SYNE1: variants seen among roughly 807,000 people sequenced by gnomAD.
The protein encoded by SYNE1 is nesprin-1.
Under a neutral mutation model 1,111.0 loss-of-function variants are expected in SYNE1, and 616 were observed. The observed-to-expected ratio is 0.55, with a 90% CI of 0.52 to 0.59. The LOEUF is 0.59. Ranked by LOEUF, SYNE1 falls within the 20% of genes least tolerant of loss-of-function variation. The pLI is 0.00. For synonymous variants in SYNE1, 3,855 were observed against 3,825.8 expected (o/e 1.01, Z -0.28); for missense variants, 10,006 against 10,417.0 (o/e 0.96, Z 1.72).
At chr6:152,348,151 T>C (rs1217074752) in intron 72 of SYNE1, among the ~76,000 whole-genome samples, 1 of 152,236 alleles carries the variant, frequency 6.6e-6, no homozygotes, top group Non-Finnish European at 1.5e-5. Context: ...AAACTTATCA[T>C]TTATTAAGTA....
intron 33 of SYNE1, chr6:152,435,640 CT>C (rs2098467194): frequency 1.9e-5 from 8 of 417,632 alleles, no homozygotes; most frequent in Non-Finnish European, 3.4e-5. Context: ...AATATTAGTT[CT>C]TTTTCAAGAT....
chr6:152,626,585 T>C (rs1022607146), intron 3 of SYNE1, among the ~76,000 whole-genome samples: 1 of 152,130 alleles, frequency 6.6e-6, no homozygotes, highest in African/African-American at 2.4e-5. Flanking sequence ...TTTCAGCCCA[T>C]GGAAAAGGTC....
intron 97 of SYNE1, among the ~76,000 whole-genome samples, chr6:152,280,441 AT>A (rs918979973): frequency 4.6e-5 from 7 of 151,126 alleles, no homozygotes; most frequent in East Asian, 1.9e-4. Flanking sequence ...TTTTTTTGTA[AT>A]TTTTTTTTAA....
intron 3 of SYNE1, among the ~76,000 whole-genome samples, chr6:152,625,417 C>T (rs1262351696): frequency 6.6e-6 from 1 of 152,254 alleles, no homozygotes; most frequent in Non-Finnish European, 1.5e-5. Context: ...AGATCACTTT[C>T]ACTTCCTGCC....
chr6:152,173,750 C>T (rs2065757633), intron 130 of SYNE1, among the ~76,000 whole-genome samples: 2 of 152,074 alleles, frequency 1.3e-5, no homozygotes, highest in African/African-American at 4.8e-5. Context: ...AACATATATA[C>T]AAAAATCTCC....
Position 152,501,423 on chromosome 6 carries a change from C to T in SYNE1, c.888+1210G>A, listed in dbSNP as rs181974751. Among the ~76,000 whole-genome samples the T allele has an allele frequency of 1.3e-3, 193 of 152,172 alleles. 7 individuals carry two copies. The East Asian group carries it at 0.03, about 24-fold the overall frequency. ...ATTAAAATTTTGTATGCCCTTTAGC[C>T]TAGGAATTCCACTTCTAAAGAAGAA... On this transcript the variant is annotated intron_variant, in intron 10 of 145. Coordinates refer to ENST00000367255, the MANE Select transcript of SYNE1 (RefSeq NM_182961.4).
intron 131 of SYNE1, among the ~76,000 whole-genome samples, chr6:152,158,924 C>A (rs1174208544): frequency 2.6e-5 from 4 of 152,114 alleles, no homozygotes; most frequent in African/African-American, 9.7e-5. Flanking sequence ...ACATAAGTGC[C>A]CTAAGACAAA....
chr6:152,520,458 C>A lies in SYNE1; in HGVS notation c.309+1G>T, dbSNP rs1398734304. On this transcript the variant is annotated splice_donor_variant, in intron 6 of 145. Transcript: ENST00000367255. LOFTEE classifies it high-confidence loss of function. ...GCATTTTGTTTTTGTTTCTCTCTTA[C>A]CTTTCTTCCTTCGAGGAACTTGAGT... The A allele has an allele frequency of 6.2e-7, 1 of 1,613,286 alleles. No individual in the cohort carries two copies. The highest frequency in any genetic ancestry group is 8.5e-7 in the Non-Finnish European group (1 of 1,179,596).
chr6:152,359,053 AG>A (rs2096887312), intron 65 of SYNE1, among the ~76,000 whole-genome samples: 1 of 152,220 alleles, frequency 6.6e-6, no homozygotes, highest in Admixed American at 6.5e-5. Context: ...CTTCAATTGA[AG>A]GTGTCCAGAA....
intron 77 of SYNE1, 148 bp downstream of exon 77, chr6:152,333,860 T>C: frequency 9.4e-7 from 1 of 1,064,212 alleles, no homozygotes; most frequent in East Asian, 2.4e-5. Flanking sequence ...CTCGAACTCC[T>C]GACCTCAACT....
chr6:152,325,215 C>A lies in SYNE1; in HGVS notation c.15526G>T (p.Ala5176Ser). The A allele has an allele frequency of 6.2e-7, 1 of 1,614,170 alleles. No individual in the cohort carries two copies. Among genetic ancestry groups the A allele is most frequent in the East Asian group, 2.2e-5 (1 of 44,880 alleles). The change falls in exon 81 of 146, where the codon GCC becomes TCC. Residue 5176 changes from alanine to serine, a missense_variant. This residue lies in a region of SYNE1 where 4,955 missense variants were observed against 5,017.2 expected (regional missense o/e 0.99). Transcript: ENST00000367255. ...GACCTGCTCAGGGTGGCTTTGCTGG[C>A]ATCATTTCCGGTTTTCTCCAGTTGT... ...ASQLEKTGND[A>S]SKATLSRSMT...
In SYNE1 at chr6:152,458,762, G is replaced by GT. The variant is rs1564177394; in HGVS notation, c.2562dup (p.His855ThrfsTer12). On this transcript the variant is annotated frameshift_variant, in exon 22 of 146. Coordinates refer to ENST00000367255, the MANE Select transcript of SYNE1 (RefSeq NM_182961.4). LOFTEE classifies it high-confidence loss of function. ...CTGAAAAGGATTGTTCTCACCTGAT[G>GT]TTTTTGTTTAAAAAGGGCACTCGAT... is the stretch of plus-strand genomic sequence containing the variant. 1 of 1,613,960 alleles carries GT rather than the reference G, an allele frequency of 6.2e-7. No homozygotes were observed. The highest frequency in any genetic ancestry group is 8.5e-7 in the Non-Finnish European group (1 of 1,179,898).
chr6:152,188,645 A>G (rs2153226318), intron 128 of SYNE1, among the ~76,000 whole-genome samples: 1 of 152,108 alleles, frequency 6.6e-6, no homozygotes, highest in East Asian at 1.9e-4. Context: ...GAACCATAAC[A>G]TTGTGCTTTC....
intron 59 of SYNE1, among the ~76,000 whole-genome samples, chr6:152,370,981 T>G (rs2097170162): frequency 6.6e-6 from 1 of 152,236 alleles, no homozygotes; most frequent in South Asian, 2.1e-4. Flanking sequence ...AAATTTAGGT[T>G]GCATGAAGGC....
At chr6:152,140,997 T>C (rs1183452011) in intron 139 of SYNE1, among the ~76,000 whole-genome samples, 1 of 152,066 alleles carries the variant, frequency 6.6e-6, no homozygotes, top group Non-Finnish European at 1.5e-5. Flanking sequence ...ATAGCGCCAC[T>C]GCACTCCAGC....
At chr6:152,599,420 G>A (rs2099590846) in intron 3 of SYNE1, among the ~76,000 whole-genome samples, 1 of 152,150 alleles carries the variant, frequency 6.6e-6, no homozygotes, top group Non-Finnish European at 1.5e-5. Context: ...TCCTACATTG[G>A]TGACACTATC....
Position 152,184,514 on chromosome 6 carries a change from G to C in SYNE1, c.23302-4220C>G, listed in dbSNP as rs1156652347. 2.6e-5 allele frequency among the ~76,000 whole-genome samples: 4 copies of C among 151,020 alleles called. No homozygotes were observed. In the East Asian group the frequency reaches 7.7e-4, roughly 29 times the overall value. The stretch of plus-strand genomic sequence containing the variant: ...GACAACAGCTGGCCATTACTATGCT[G>C]TTGCTACTAGTACTATTATACATGA... On this transcript the variant is annotated intron_variant, in intron 128 of 145. Coordinates refer to ENST00000367255, the MANE Select transcript of SYNE1 (RefSeq NM_182961.4).
intron 57 of SYNE1, 21 bp downstream of exon 57, chr6:152,376,755 A>C (rs980768967): frequency 6.2e-7 from 1 of 1,613,292 alleles, no homozygotes; most frequent in African/African-American, 1.3e-5. Context: ...TATCTTGAAC[A>C]CCAATAAGGT....
Position 152,331,184 on chromosome 6 carries a change from C to T in SYNE1, c.13501G>A (p.Ala4501Thr). The T allele has an allele frequency of 6.2e-7, 1 of 1,614,016 alleles. No homozygotes were observed. Among genetic ancestry groups the T allele is most frequent in the South Asian group, 1.1e-5 (1 of 91,076 alleles). Residue 4501 changes from alanine to threonine, a missense_variant, in exon 78 of 146, where the codon GCC (alanine) becomes ACC (threonine). Physicochemically the swap from Ala to Thr is moderately conservative, Grantham distance 58. Around this residue, in one of 7 missense-constraint regions of SYNE1, gnomAD observed 4,955 missense variants for 5,017.2 expected, o/e 0.99. Transcript: ENST00000367255. ...KQVKTCKSAQ[A>T]SLKTYQNEVT... ...TCATTTTGGTAAGTCTTGAGGCTGGCTTGTGCACTCTTACATGTTTTGACT... is the reference window on the plus strand; with the variant it reads ...TCATTTTGGTAAGTCTTGAGGCTGGTTTGTGCACTCTTACATGTTTTGACT...
Sources: gnomAD v4.1 joint callset for allele counts (sites outside exome capture counted in the v4.1 genomes callset) on GRCh38, gnomAD v4.1.1 for gene constraint, gnomAD v4.1.1 regional missense constraint, MANE v1.5 for transcripts, NCBI Gene and HGNC (gene_info 2026-07-23, HGNC 2026-07-21) for gene names.